Variants in ADGRD1 observed in about 807,000 individuals in gnomAD.
ADGRD1 encodes the protein G-protein coupled receptor 133.
Under a neutral mutation model 113.4 loss-of-function variants are expected in ADGRD1, and 77 were observed. The observed-to-expected ratio is 0.68, with a 90% CI of 0.57 to 0.82. The LOEUF (loss-of-function observed/expected upper bound fraction) is 0.82. Among genes scored for constraint, ADGRD1 ranks in the 40% least tolerant of loss-of-function variants. The probability of loss-of-function intolerance (pLI) is 0.00; values close to 1 mark genes in which losing one functional copy is unlikely to be tolerated. For missense variants in ADGRD1, 1,036 were observed against 1,139.1 expected (o/e 0.91, Z 1.30); for synonymous variants, 474 against 475.0 (o/e 1.00, Z 0.03).
intron 8 of ADGRD1, among the ~76,000 whole-genome samples, chr12:130,996,873 G>T (rs1361500681): frequency 4.4e-5 from 5 of 114,228 alleles, no homozygotes; most frequent in Non-Finnish European, 5.6e-5. Flanking sequence ...GTGGCTGGCC[G>T]GGCAGAGGGG....
chr12:130,996,603 G>A (rs1875415533), intron 8 of ADGRD1, among the ~76,000 whole-genome samples: 6 of 120,734 alleles, frequency 5.0e-5, no homozygotes, highest in Admixed American at 3.1e-4. Flanking sequence ...CAGTAGGGGC[G>A]GCCGGGCAGA....
chr12:131,022,192 T>G lies in ADGRD1; in HGVS notation c.1473+7852T>G, dbSNP rs1879403291. Among the ~76,000 whole-genome samples, 1 of 152,146 alleles carries G rather than the reference T, an allele frequency of 6.6e-6. No homozygotes were observed. The highest frequency in any genetic ancestry group is 2.4e-5 in the African/African-American group (1 of 41,430). On this transcript the variant is annotated intron_variant, in intron 13 of 24. Transcript: ENST00000261654. This position sits in a 1 kb window ranked among gnomAD's most constrained non-coding sequence, Gnocchi z 4.6. The stretch of plus-strand genomic sequence containing the variant: ...CGGCTCCAGCATAGCAAATATGGGA[T>G]GTGAATGCTCATTGTTGCCGGTAAC...
chr12:131,101,005 C>G lies in ADGRD1; in HGVS notation c.1672-3826C>G, dbSNP rs145829708. On this transcript the variant is annotated intron_variant, in intron 15 of 24. Transcript: ENST00000261654. ...GCAAATACCTCTGGTTACCATTGTT[C>G]CCAGTACTGCTCACTGCTGTTCTTA... Among the ~76,000 whole-genome samples, 93 of 152,298 alleles carry G rather than the reference C, an allele frequency of 6.1e-4. 2 individuals are homozygous for G. The East Asian group carries it at 0.013, about 22-fold the overall frequency.
chr12:131,125,220 G>A (rs1364891764), intron 20 of ADGRD1, among the ~76,000 whole-genome samples: 2 of 152,194 alleles, frequency 1.3e-5, no homozygotes, highest in African/African-American at 4.8e-5. Flanking sequence ...TAGGGCTTCA[G>A]CATATGAATT....
At chr12:130,961,912 C>T (rs1465968055) in intron 2 of ADGRD1, among the ~76,000 whole-genome samples, 1 of 152,228 alleles carries the variant, frequency 6.6e-6, no homozygotes, top group East Asian at 1.9e-4. Context: ...AGCCGCAATG[C>T]TTCGTTCGGC....
chr12:131,010,610 C>T (rs544600589), intron 12 of ADGRD1, among the ~76,000 whole-genome samples: 7 of 152,274 alleles, frequency 4.6e-5, no homozygotes, highest in East Asian at 1.9e-4. Flanking sequence ...TAACGGAAGG[C>T]GGAGCAGCAG....
chr12:131,118,367 T>TTC lies in ADGRD1; in HGVS notation c.2042-15_2042-14dup, dbSNP rs758408918. The TTC allele has an allele frequency of 2.1e-5, 34 of 1,593,560 alleles. No homozygotes were observed. The South Asian group carries it at 3.4e-4, about 16-fold the overall frequency. On this transcript the variant is annotated splice_polypyrimidine_tract_variant and intron_variant, in intron 18 of 24. Transcript: ENST00000261654. ...AAAACTGGAGCAAGTGAACATGATA[T>TTC]TCTCCAATCTTCTGCAGGTTTTCCT... is the stretch of plus-strand genomic sequence containing the variant.
rs146820864 is a variant in ADGRD1, at chr12:131,012,797, G to A, written c.1332-1402G>A. 3.9e-5 allele frequency among the ~76,000 whole-genome samples: 6 copies of A among 152,328 alleles called. No individual in the cohort carries two copies. In the East Asian group the frequency reaches 1.2e-3, roughly 29 times the overall value. The stretch of plus-strand genomic sequence containing the variant: ...GGTGGTTCAGTGGGTGTCGAAACAG[G>A]GACCTGCAGGTTCCTCAGTCAGTCA... On this transcript the variant is annotated intron_variant, in intron 12 of 24. Transcript: ENST00000261654.
chr12:131,082,205 T>G (rs1029905860), intron 14 of ADGRD1, among the ~76,000 whole-genome samples: 1 of 152,234 alleles, frequency 6.6e-6, no homozygotes, highest in Non-Finnish European at 1.5e-5. Context: ...ACACATGTTT[T>G]TTACCGTATT....
At chr12:131,121,758 C>T (rs917646525) in intron 20 of ADGRD1, among the ~76,000 whole-genome samples, 1 of 152,010 alleles carries the variant, frequency 6.6e-6, no homozygotes, top group Non-Finnish European at 1.5e-5. Context: ...GGGCCCAGGG[C>T]TCCTGCACCT....
rs1885526845 is a variant in ADGRD1 at position 131,075,471 on chromosome 12, A to G, written c.1474-1330A>G. On this transcript the variant is annotated intron_variant, in intron 13 of 24. Coordinates refer to ENST00000261654, the MANE Select transcript of ADGRD1 (RefSeq NM_198827.5). This position sits in a 1 kb window ranked among gnomAD's most constrained non-coding sequence, Gnocchi z 5.3. The stretch of plus-strand genomic sequence containing the variant: ...AAGATGTCTTTTCCAGGCGGTTTTA[A>G]GAGACCCTGTGATGGATTAAAATAA... Among the ~76,000 whole-genome samples, 1 of 152,184 alleles carries G rather than the reference A, an allele frequency of 6.6e-6. No homozygotes were observed. The highest frequency in any genetic ancestry group is 1.9e-4 in the East Asian group (1 of 5,192).
chr12:130,981,957 G>A lies in ADGRD1; in HGVS notation c.384G>A (p.Gln128=), dbSNP rs138627746. Residue 128 remains glutamine, a synonymous_variant, in exon 5 of 25, where the codon CAG becomes CAA. Transcript: ENST00000261654. ...SRPIPSAYGG[Q]VISNGFKVCS... ...CAATCCCTTCTGCGTATGGGGGACA[G>A]GTCATCTCCAATGGGTTCAAAGTCT... 22 of 1,613,546 alleles carry A rather than the reference G, an allele frequency of 1.4e-5. 1 individual carries two copies. In the Middle Eastern group the frequency reaches 9.9e-4, roughly 72 times the overall value.
intron 19 of ADGRD1, among the ~76,000 whole-genome samples, chr12:131,120,018 C>T (rs1018621700): frequency 3.9e-5 from 6 of 152,274 alleles, no homozygotes; most frequent in African/African-American, 1.2e-4. Flanking sequence ...GCGCCCACCT[C>T]AGGGGCAGCA....
chr12:131,033,339 T>C (rs988581485), intron 13 of ADGRD1, among the ~76,000 whole-genome samples: 2 of 152,208 alleles, frequency 1.3e-5, no homozygotes, highest in Non-Finnish European at 2.9e-5. Context: ...CAGGGTGCCC[T>C]TCCATCATGC....
At chr12:130,998,010 T>G (rs1875833085) in intron 8 of ADGRD1, among the ~76,000 whole-genome samples, 1 of 152,002 alleles carries the variant, frequency 6.6e-6, no homozygotes, top group African/African-American at 2.4e-5. Context: ...GAGACCAGCC[T>G]GGCCAACACA....
At chr12:131,123,341 G>A (rs1019844550) in intron 20 of ADGRD1, among the ~76,000 whole-genome samples, 40 of 150,620 alleles carry the variant, frequency 2.7e-4, no homozygotes, top group African/African-American at 9.0e-4. Flanking sequence ...CACTGCGCCC[G>A]GCCCTGGGAA....
rs1287729399 is a variant in ADGRD1 at position 131,050,618 on chromosome 12, C to T, written c.1474-26183C>T. On this transcript the variant is annotated intron_variant, in intron 13 of 24. Transcript: ENST00000261654. The surrounding 1 kb of genome is among the most constrained non-coding windows in gnomAD (Gnocchi z 4.8). ...ATCAAGAGAGGTGGGGGGTGCCACACACTTTTAAGCGACCAGATCCACGAG... is the reference window on the plus strand; with the variant it reads ...ATCAAGAGAGGTGGGGGGTGCCACATACTTTTAAGCGACCAGATCCACGAG... 6.6e-6 allele frequency among the ~76,000 whole-genome samples: 1 copy of T among 151,980 alleles called. No homozygotes were observed. The highest frequency in any genetic ancestry group is 2.1e-4 in the South Asian group (1 of 4,812).
chr12:131,128,868 GCC>G (rs1950817866), intron 20 of ADGRD1, among the ~76,000 whole-genome samples: 1 of 151,494 alleles, frequency 6.6e-6, no homozygotes, highest in South Asian at 2.1e-4. Flanking sequence ...GTGGACGGCA[GCC>G]CCACCCTGCT....
At chr12:131,035,118 G>T (rs114158956) in intron 13 of ADGRD1, 2,240 of 153,262 alleles carry the variant, frequency 0.015, 62 homozygotes, top group African/African-American at 0.052. Context: ...CTCTGTCCGT[G>T]CCCTCACCTC....
Sources: allele counts gnomAD v4.1 joint callset (sites outside exome capture counted in the v4.1 genomes callset), GRCh38; gene constraint gnomAD v4.1.1; non-coding constraint Gnocchi (gnomAD v3.1); transcripts MANE v1.5; gene names NCBI Gene and HGNC (gene_info 2026-07-23, HGNC 2026-07-21).